Variants in DIAPH3 observed in about 807,000 individuals in gnomAD.
The protein encoded by DIAPH3 is protein diaphanous homolog 3.
Under a neutral mutation model 144.3 loss-of-function variants are expected in DIAPH3, and 117 were observed. The observed-to-expected ratio is 0.81, with a 90% CI of 0.70 to 0.95. The LOEUF (loss-of-function observed/expected upper bound fraction) is 0.95. DIAPH3 is among the 40% of genes least tolerant of loss of function. The probability of loss-of-function intolerance (pLI) is 0.00; values close to 1 mark genes in which losing one functional copy is unlikely to be tolerated. For missense variants in DIAPH3, 1,421 were observed against 1,412.7 expected (o/e 1.01, Z -0.09); for synonymous variants, 519 against 488.9 (o/e 1.06, Z -0.81).
chr13:59,666,668 C>T lies in DIAPH3; in HGVS notation c.3498G>A (p.Lys1166=). The T allele has an allele frequency of 6.2e-7, 1 of 1,614,066 alleles. No homozygotes were observed. The highest frequency in any genetic ancestry group is 1.3e-5 in the African/African-American group (1 of 75,030). Residue 1166 remains lysine, a synonymous_variant, in exon 28 of 28, where the codon AAG becomes AAA. Coordinates refer to ENST00000400324, the MANE Select transcript of DIAPH3 (RefSeq NM_001042517.2). The stretch of plus-strand genomic sequence containing the variant: ...AAAAAGAGCCAAGAAGTTCCGTTTC[C>T]TTTTTTCTGTTGCTTTCTACATTAC... The part of the protein sequence containing the change: ...EACNVESNRK[K]ETELLGSFSK...
chr13:59,722,871 T>A (rs1329992889), intron 27 of DIAPH3, among the ~76,000 whole-genome samples: 7 of 152,138 alleles, frequency 4.6e-5, no homozygotes, highest in Middle Eastern at 3.2e-3. Flanking sequence ...TGATCTAAAT[T>A]GTTTCTTCAG....
rs370756501 is a variant in DIAPH3 at position 60,024,069 on chromosome 13, G to A, written c.627-7924C>T. On this transcript the variant is annotated intron_variant, in intron 5 of 27. Transcript: ENST00000400324. ...GGGGTTTCACCATGTTGGCCAGGCT[G>A]GTCTCAAACTCCTGACTTCAGGTGG... Among the ~76,000 whole-genome samples the A allele has an allele frequency of 3.4e-3, 500 of 148,214 alleles. 2 individuals carry two copies. The highest frequency in any genetic ancestry group is 0.011 in the African/African-American group (460 of 40,328).
rs146712810 is a variant in DIAPH3, at chr13:59,726,176, T to C, written c.3319+48013A>G. 9.0e-4 allele frequency among the ~76,000 whole-genome samples: 137 copies of C among 152,358 alleles called. 3 individuals carry two copies. In the South Asian group the frequency reaches 0.011, roughly 13 times the overall value. ...AGCCAAATTTATAGAAAGCATTTTA[T>C]ATAAAACCACTTATTTCTATTTCCA... On this transcript the variant is annotated intron_variant, in intron 27 of 27. Transcript: ENST00000400324.
At chr13:60,058,379 C>T (rs568705561) in intron 4 of DIAPH3, among the ~76,000 whole-genome samples, 102 of 151,804 alleles carry the variant, frequency 6.7e-4, no homozygotes, top group Middle Eastern at 3.4e-3. Context: ...TATTAAAAAG[C>T]CAAAAAATAA....
chr13:59,924,983 T>TA, intron 17 of DIAPH3, 113 bp from the exon 18 acceptor site: 3 of 1,452,044 alleles, frequency 2.1e-6, no homozygotes, highest in Non-Finnish European at 2.7e-6. Context: ...CTCTTCTAAA[T>TA]AAAAGTTATA....
At chr13:60,038,277 C>T (rs1268330672) in intron 5 of DIAPH3, among the ~76,000 whole-genome samples, 1 of 152,036 alleles carries the variant, frequency 6.6e-6, no homozygotes, top group Non-Finnish European at 1.5e-5. Context: ...TGTTTAATAT[C>T]TAATTTAAAA....
In DIAPH3 at chr13:59,992,102, A is replaced by T. The variant is rs1367176022; in HGVS notation, c.1210T>A (p.Ser404Thr). 4 of 1,612,048 alleles carry T rather than the reference A, an allele frequency of 2.5e-6. No homozygotes were observed. The East Asian group carries it at 6.7e-5, about 27-fold the overall frequency. ...GCTCTAATATCTTCAAGGCGATGGG[A>T]TAACTCAAACAAATCTTCTTCTTTA... ...EHKEEDLFEL[S>T]HRLEDIRAEL... The change falls in exon 11 of 28, where the codon TCC becomes ACC. Residue 404 changes from serine to threonine, a missense_variant. Ser to Thr is a moderately conservative substitution (Grantham distance 58, BLOSUM62 1). Transcript: ENST00000400324.
Position 59,991,203 on chromosome 13 carries a change from G to C in DIAPH3, c.1316C>G (p.Ser439Cys), listed in dbSNP as rs367707877. 6.2e-7 allele frequency: 1 copy of C among 1,610,964 alleles called. No individual in the cohort carries two copies. The highest frequency in any genetic ancestry group is 1.3e-5 in the African/African-American group (1 of 74,896). ...KETRAEGYFI[S>C]ILQHLLLIRN... ...AATCAGCAAAAGATGCTGAAGAATA[G>C]AAATAAAATATCCCTCTGCTCTAGT... Residue 439 changes from serine (S) to cysteine (C), a missense_variant, in exon 12 of 28, where the codon TCT (serine) becomes TGT (cysteine). Physicochemically the swap from Ser to Cys is moderately radical, Grantham distance 112 (BLOSUM62 -1). Coordinates refer to ENST00000400324, the MANE Select transcript of DIAPH3 (RefSeq NM_001042517.2).
At position 59,879,223 on chromosome 13, in the gene DIAPH3, AC is replaced by A; in HGVS notation, c.2607+5del. The A allele has an allele frequency of 6.2e-7, 1 of 1,613,634 alleles. No homozygotes were observed. Among genetic ancestry groups the A allele is most frequent in the East Asian group, 2.2e-5 (1 of 44,858 alleles). ...CAAATATGTGTTTTTAAAAAAACAA[AC>A]TCACTTTACAGAGAGAGCTAAGGTT... is the stretch of plus-strand genomic sequence containing the variant. On this transcript the variant is annotated splice_donor_5th_base_variant and intron_variant, in intron 21 of 27. Transcript: ENST00000400324.
chr13:59,777,285 A>G (rs1184910497), intron 25 of DIAPH3, among the ~76,000 whole-genome samples: 1 of 152,226 alleles, frequency 6.6e-6, no homozygotes, highest in Admixed American at 6.5e-5. Context: ...CTGAGTATCA[A>G]ATAAATAATC....
intron 20 of DIAPH3, among the ~76,000 whole-genome samples, chr13:59,882,613 A>G (rs551830495): frequency 6.6e-6 from 1 of 152,294 alleles, no homozygotes; most frequent in South Asian, 2.1e-4. Context: ...GAAATGAACT[A>G]TGGTGCTCAA....
chr13:59,779,403 G>T (rs920661824), intron 25 of DIAPH3, among the ~76,000 whole-genome samples: 1 of 152,118 alleles, frequency 6.6e-6, no homozygotes, highest in African/African-American at 2.4e-5. Context: ...TATAGGGAAA[G>T]AAATTCACAG....
At chr13:59,776,901 T>C (rs2038444401) in intron 25 of DIAPH3, among the ~76,000 whole-genome samples, 1 of 152,086 alleles carries the variant, frequency 6.6e-6, no homozygotes, top group South Asian at 2.1e-4. Context: ...TGTATAGGTA[T>C]TAATGTAAGC....
At chr13:59,851,289 C>T (rs567038769) in intron 22 of DIAPH3, among the ~76,000 whole-genome samples, 1 of 152,174 alleles carries the variant, frequency 6.6e-6, no homozygotes, top group Admixed American at 6.5e-5. Flanking sequence ...AGTCTCACTT[C>T]CATACCTTGA....
At chr13:60,040,751 C>T (rs2055603344) in intron 5 of DIAPH3, among the ~76,000 whole-genome samples, 1 of 152,104 alleles carries the variant, frequency 6.6e-6, no homozygotes, top group Non-Finnish European at 1.5e-5. Flanking sequence ...TGTTTAAACT[C>T]CATAGAAATA....
intron 20 of DIAPH3, among the ~76,000 whole-genome samples, chr13:59,885,258 A>C (rs984831940): frequency 3.3e-5 from 5 of 152,060 alleles, no homozygotes; most frequent in African/African-American, 1.2e-4. Context: ...TCTTGAATTA[A>C]AAAGCTGGCA....
At chr13:60,001,059 T>C (rs2052499636) in intron 9 of DIAPH3, among the ~76,000 whole-genome samples, 8 of 152,222 alleles carry the variant, frequency 5.3e-5, no homozygotes, top group Admixed American at 5.2e-4. Context: ...AAGACATTGA[T>C]GGTCTTTGAT....
intron 1 of DIAPH3, among the ~76,000 whole-genome samples, chr13:60,158,929 A>C (rs1952158545): frequency 6.6e-6 from 1 of 151,638 alleles, no homozygotes; most frequent in Non-Finnish European, 1.5e-5. Flanking sequence ...AAAAAAAAAA[A>C]AAACCAAATA....
chr13:59,931,791 C>A (rs2048031726), intron 17 of DIAPH3, among the ~76,000 whole-genome samples: 1 of 152,110 alleles, frequency 6.6e-6, no homozygotes, highest in African/African-American at 2.4e-5. Context: ...AATTCAGCAA[C>A]AGTTGAGGAA....
Sources: allele counts gnomAD v4.1 joint callset (sites outside exome capture counted in the v4.1 genomes callset), GRCh38; gene constraint gnomAD v4.1.1; transcripts MANE v1.5; gene names NCBI Gene and HGNC (gene_info 2026-07-23, HGNC 2026-07-21).